The following HSPA9 variants were observed in gnomAD, a reference collection of about 807,000 sequenced individuals.
The protein encoded by HSPA9 is heat shock protein family A (Hsp70) member 9, also known as stress-70 protein, mitochondrial.
A neutral mutation model predicts 81.5 loss-of-function variants in HSPA9; 28 were observed. The ratio of observed to expected loss-of-function variants is 0.34; its 90% CI spans 0.25 to 0.47. The LOEUF is 0.47. Among genes scored for constraint, HSPA9 ranks in the 20% least tolerant of loss-of-function variants. The pLI is 1.00. For missense variants in HSPA9, 678 were observed against 838.0 expected, an observed-to-expected ratio of 0.81 and a Z score of 2.36; for synonymous variants, 293 against 290.4, an observed-to-expected ratio of 1.01 and a Z score of -0.09.
chr5:138,556,001 T>A lies in HSPA9; in HGVS notation c.*36A>T. 1 of 1,463,862 alleles carries A rather than the reference T, an allele frequency of 6.8e-7. No individual in the cohort carries two copies. The highest frequency in any genetic ancestry group is 9.6e-7 in the Non-Finnish European group (1 of 1,043,804). 90.7% of individuals were successfully genotyped at this position (1,463,862 alleles called of 1,614,324 possible). A position where few individuals can be genotyped will look rare whatever the true frequency, so the allele number is the denominator to read the frequency against. On this transcript the variant is annotated 3_prime_UTR_variant, in exon 17 of 17. Coordinates refer to ENST00000297185, the MANE Select transcript of HSPA9 (RefSeq NM_004134.7). ...GAAGTCTCTTCACTCCTAAGCTTCATATGTTGTCCTTCTGGCTTCAAAATT... is the reference window on the plus strand; with the variant it reads ...GAAGTCTCTTCACTCCTAAGCTTCAAATGTTGTCCTTCTGGCTTCAAAATT...
intron 4 of HSPA9, 55 bp downstream of exon 4, chr5:138,570,905 C>T (rs1488674570): frequency 2.1e-6 from 3 of 1,454,612 alleles, no homozygotes; most frequent in East Asian, 4.5e-5. Context: ...TGAGGCTCTT[C>T]TGTGTGGCCC....
At chr5:138,564,690 C>G (rs1056647486) in intron 9 of HSPA9, among the ~76,000 whole-genome samples, 1 of 152,236 alleles carries the variant, frequency 6.6e-6, no homozygotes, top group South Asian at 2.1e-4. Context: ...TAAATTGTAA[C>G]TGCATTTTTA....
intron 14 of HSPA9, chr5:138,557,096 T>G: frequency 1.6e-6 from 1 of 611,846 alleles, no homozygotes; most frequent in Non-Finnish European, 2.9e-6. Context: ...ATAAAGGCAC[T>G]GCAAACATAA....
chr5:138,568,603 GACTTACA>G lies in HSPA9; in HGVS notation c.535+315_535+321del, dbSNP rs548811294. On this transcript the variant is annotated intron_variant, in intron 5 of 16. Transcript: ENST00000297185. ...GTTCACTAAACTACAATGACCTTTA[GACTTACA>G]ACAGCCACTTCAAATAGGAAGTTCT... Among the ~76,000 whole-genome samples, 598 of 152,236 alleles carry G rather than the reference GACTTACA, an allele frequency of 3.9e-3. 4 individuals carry two copies. Among genetic ancestry groups the G allele is most frequent in the African/African-American group, 0.013 (536 of 41,538 alleles).
At chr5:138,563,685 A>C (rs1315994368) in intron 9 of HSPA9, among the ~76,000 whole-genome samples, 1 of 152,214 alleles carries the variant, frequency 6.6e-6, no homozygotes, top group Non-Finnish European at 1.5e-5. Flanking sequence ...CCAAATCCCA[A>C]ATCTATAAAG....
At position 138,575,334 on chromosome 5, in the gene HSPA9, G is replaced by A. The variant is rs770432313; in HGVS notation, c.-16C>T. ...CACTTATCATGGCGGATAAATGGAG[G>A]AGTACGAGGCAGCAAACAAGCGCTC... is the stretch of plus-strand genomic sequence containing the variant. On this transcript the variant is annotated 5_prime_UTR_variant, in exon 1 of 17. Coordinates refer to ENST00000297185, the MANE Select transcript of HSPA9 (RefSeq NM_004134.7). 1.9e-6 allele frequency: 3 copies of A among 1,606,184 alleles called. No homozygotes were observed. Among genetic ancestry groups the A allele is most frequent in the Non-Finnish European group, 2.6e-6 (3 of 1,174,656 alleles).
At chr5:138,565,899 C>A (rs1455975348) in intron 9 of HSPA9, among the ~76,000 whole-genome samples, 3 of 152,132 alleles carry the variant, frequency 2.0e-5, no homozygotes, top group Non-Finnish European at 4.4e-5. Context: ...AAGTGAGAGA[C>A]AATTAGCCGG....
intron 9 of HSPA9, among the ~76,000 whole-genome samples, chr5:138,562,273 G>A (rs2127155872): frequency 6.6e-6 from 1 of 150,752 alleles, no homozygotes; most frequent in African/African-American, 2.4e-5. Flanking sequence ...TGTTTTGCCG[G>A]GTGCAGTGGC....
intron 11 of HSPA9, chr5:138,558,882 C>T (rs562071474): frequency 4.6e-5 from 23 of 495,768 alleles, no homozygotes; most frequent in African/African-American, 2.5e-4. Context: ...TGTACAAAGA[C>T]GCAGCATTAG....
At chr5:138,573,173 G>A (rs894963312) in intron 3 of HSPA9, among the ~76,000 whole-genome samples, 1 of 152,164 alleles carries the variant, frequency 6.6e-6, no homozygotes, top group African/African-American at 2.4e-5. Flanking sequence ...GATTTCAGGT[G>A]TGAGCCACTG....
chr5:138,561,455 G>A (rs755332619), intron 10 of HSPA9, 125 bp downstream of exon 10: 2 of 761,092 alleles, frequency 2.6e-6, no homozygotes, highest in Non-Finnish European at 4.6e-6. Flanking sequence ...TCTTTAGTGA[G>A]TATATAATCT....
chr5:138,554,425 A>G lies in HSPA9; in HGVS notation c.*1612T>C, dbSNP rs1750477675. On this transcript the variant is annotated 3_prime_UTR_variant, in exon 17 of 17. Transcript: ENST00000297185. ...CCAACACACCATATAACAATCCTTCATAATCCTACAATGTTCCCATTGAGT... is the reference window on the plus strand; with the variant it reads ...CCAACACACCATATAACAATCCTTCGTAATCCTACAATGTTCCCATTGAGT... Among the ~76,000 whole-genome samples, 1 of 152,242 alleles carries G rather than the reference A, an allele frequency of 6.6e-6. No homozygotes were observed. The highest frequency in any genetic ancestry group is 2.4e-5 in the African/African-American group (1 of 41,474).
Position 138,559,518 on chromosome 5 carries a change from G to A in HSPA9, c.1410+346C>T, listed in dbSNP as rs146389136. Among the ~76,000 whole-genome samples the A allele has an allele frequency of 1.7e-3, 254 of 152,164 alleles. 3 individuals carry two copies. The highest frequency in any genetic ancestry group is 5.9e-3 in the African/African-American group (247 of 41,522). ...AAGATAAGAACACTCCCCTAAGTCT[G>A]GTCCAGACTACCCTTTTTACTGTCT... On this transcript the variant is annotated intron_variant, in intron 11 of 16. Coordinates refer to ENST00000297185, the MANE Select transcript of HSPA9 (RefSeq NM_004134.7).
At position 138,575,310 on chromosome 5, in the gene HSPA9, A is replaced by G. The variant is rs753745729; in HGVS notation, c.9T>C (p.Ser3=). The G allele has an allele frequency of 6.2e-7, 1 of 1,611,954 alleles. No individual in the cohort carries two copies. The highest frequency in any genetic ancestry group is 8.5e-7 in the Non-Finnish European group (1 of 1,179,396). The change falls in exon 1 of 17, where the codon AGT becomes AGC. Residue 3 remains serine (S), a synonymous_variant. Coordinates refer to ENST00000297185, the MANE Select transcript of HSPA9 (RefSeq NM_004134.7). ...GACGGGCTGCTGCAGCTCGGCTGGCACTTATCATGGCGGATAAATGGAGGA... is the reference window on the plus strand; with the variant it reads ...GACGGGCTGCTGCAGCTCGGCTGGCGCTTATCATGGCGGATAAATGGAGGA... MI[S]ASRAAAARLV...
Position 138,566,686 on chromosome 5 carries a change from T to C in HSPA9, c.912A>G (p.Ala304=), listed in dbSNP as rs749567058. 2.5e-6 allele frequency: 4 copies of C among 1,613,930 alleles called. No homozygotes were observed. In the African/African-American group the frequency reaches 4.0e-5, roughly 16 times the overall value. Residue 304 remains alanine, a synonymous_variant, in exon 9 of 17, where the codon GCA becomes GCG. Coordinates refer to ENST00000297185, the MANE Select transcript of HSPA9 (RefSeq NM_004134.7). ...TGVDLTKDNM[A]LQRVREAAEK... ...CAGCAGCTTCCCGTACCCTCTGAAGTGCCATGTTGTCTTTAGTCAAATCAA... is the reference window on the plus strand; with the variant it reads ...CAGCAGCTTCCCGTACCCTCTGAAGCGCCATGTTGTCTTTAGTCAAATCAA...
intron 5 of HSPA9, among the ~76,000 whole-genome samples, 188 bp from the exon 6 acceptor site, chr5:138,567,910 C>A (rs561439015): frequency 6.6e-6 from 1 of 152,164 alleles, no homozygotes; most frequent in African/African-American, 2.4e-5. Flanking sequence ...TCAGGCCGGG[C>A]ACGGTGGCTC....
chr5:138,573,942 G>C, intron 2 of HSPA9, 92 bp from the exon 3 acceptor site: 1 of 1,236,358 alleles, frequency 8.1e-7, no homozygotes, highest in South Asian at 1.2e-5. Flanking sequence ...ATTAACAGTG[G>C]TATACTACAT....
intron 14 of HSPA9, 168 bp from the exon 15 acceptor site, chr5:138,557,034 T>G: frequency 1.5e-6 from 1 of 661,758 alleles, no homozygotes; most frequent in Non-Finnish European, 2.7e-6. Flanking sequence ...TGAGAGAGAT[T>G]TGGGCTAGAT....
intron 5 of HSPA9, 82 bp from the exon 6 acceptor site, chr5:138,567,804 G>T: frequency 1.0e-6 from 1 of 997,982 alleles, no homozygotes; most frequent in Non-Finnish European, 1.6e-6. Context: ...TCATCCTTTT[G>T]CAGCCACAGA....
Sources: gnomAD v4.1 joint callset for allele counts (sites outside exome capture counted in the v4.1 genomes callset) on GRCh38, gnomAD v4.1.1 for gene constraint, MANE v1.5 for transcripts, NCBI Gene and HGNC (gene_info 2026-07-23, HGNC 2026-07-21) for gene names.